Variants in PDGFC observed in about 807,000 individuals in gnomAD.
PDGFC encodes platelet-derived growth factor C.
A neutral mutation model predicts 35.5 loss-of-function variants in PDGFC; 12 were observed. The ratio of observed to expected loss-of-function variants is 0.34; its 90% CI spans 0.22 to 0.55. The LOEUF (loss-of-function observed/expected upper bound fraction) is 0.55. PDGFC is among the 20% of genes least tolerant of loss of function. PDGFC has a pLI of 0.91. For synonymous variants in PDGFC, 159 were observed against 148.8 expected (o/e 1.07, Z -0.50); for missense variants, 322 against 412.4 (o/e 0.78, Z 1.90).
chr4:156,845,612 T>G (rs1729307907), intron 2 of PDGFC, among the ~76,000 whole-genome samples: 1 of 151,850 alleles, frequency 6.6e-6, no homozygotes, highest in Non-Finnish European at 1.5e-5. Context: ...AAATAAACTA[T>G]GTCCAGTGGA....
chr4:156,856,575 C>G lies in PDGFC; in HGVS notation c.119-6159G>C, dbSNP rs575396221. Among the ~76,000 whole-genome samples the G allele has an allele frequency of 5.9e-5, 9 of 152,214 alleles. No individual in the cohort carries two copies. The East Asian group carries it at 1.7e-3, about 29-fold the overall frequency. On this transcript the variant is annotated intron_variant, in intron 1 of 5. Coordinates refer to ENST00000502773, the MANE Select transcript of PDGFC (RefSeq NM_016205.3). ...TAATCATAATTATGGATTCACTTTT[C>G]TACCACACTACAATTCCTAGAAGGT...
At chr4:156,838,188 T>C (rs1729109886) in intron 2 of PDGFC, among the ~76,000 whole-genome samples, 1 of 152,212 alleles carries the variant, frequency 6.6e-6, no homozygotes, top group Non-Finnish European at 1.5e-5. Context: ...TTATCTGTCC[T>C]AAGCACCAAT....
intron 1 of PDGFC, among the ~76,000 whole-genome samples, chr4:156,921,661 T>C (rs569797007): frequency 6.6e-6 from 1 of 152,246 alleles, no homozygotes; most frequent in Non-Finnish European, 1.5e-5. Flanking sequence ...AGCTGAGTAA[T>C]ATTATCACTC....
chr4:156,932,172 G>A (rs1221429039), intron 1 of PDGFC, among the ~76,000 whole-genome samples: 1 of 152,012 alleles, frequency 6.6e-6, no homozygotes, highest in Non-Finnish European at 1.5e-5. Flanking sequence ...ACTTTTAAGG[G>A]ATTTTTTTTT....
intron 3 of PDGFC, among the ~76,000 whole-genome samples, chr4:156,806,389 ACAT>A (rs1475901212): frequency 2.0e-5 from 3 of 152,102 alleles, no homozygotes; most frequent in African/African-American, 7.2e-5. Context: ...ATTATTGTAA[ACAT>A]TATCATTACT....
chr4:156,825,593 T>TAATAATAATAAGAAGAAG (rs1267062505), intron 2 of PDGFC, among the ~76,000 whole-genome samples: 8 of 62,190 alleles, frequency 1.3e-4, no homozygotes, highest in East Asian at 9.4e-4. Context: ...ATAATAATAA[T>TAATAATAATAAGAAGAAG]AAGAAGAAGA....
rs184577611 is a variant in PDGFC at position 156,892,121 on chromosome 4, C to T, written c.119-41705G>A. 7.9e-5 allele frequency among the ~76,000 whole-genome samples: 12 copies of T among 152,120 alleles called. No individual in the cohort carries two copies. The East Asian group carries it at 2.1e-3, about 27-fold the overall frequency. ...TGCTAGCTCTACCAGCTATATAATC[C>T]GAATCAATTAAAATACCTAATTTTT... On this transcript the variant is annotated intron_variant, in intron 1 of 5. Coordinates refer to ENST00000502773, the MANE Select transcript of PDGFC (RefSeq NM_016205.3).
chr4:156,777,444 G>A (rs1730859191), intron 3 of PDGFC, among the ~76,000 whole-genome samples: 1 of 152,026 alleles, frequency 6.6e-6, no homozygotes, highest in African/African-American at 2.4e-5. Context: ...AGGTAACTAG[G>A]GTGGACCCTA....
At chr4:156,868,659 A>G (rs1729904538) in intron 1 of PDGFC, among the ~76,000 whole-genome samples, 1 of 152,216 alleles carries the variant, frequency 6.6e-6, no homozygotes. Flanking sequence ...TAAAACTGTT[A>G]TAACAGTTTT....
intron 2 of PDGFC, among the ~76,000 whole-genome samples, chr4:156,833,715 G>A (rs1728998419): frequency 6.6e-6 from 1 of 152,154 alleles, no homozygotes; most frequent in African/African-American, 2.4e-5. Context: ...ATATCTTAGA[G>A]CAAAGGTGTG....
intron 5 of PDGFC, among the ~76,000 whole-genome samples, chr4:156,765,191 T>C (rs1295985384): frequency 1.3e-5 from 2 of 152,176 alleles, no homozygotes; most frequent in Non-Finnish European, 2.9e-5. Flanking sequence ...GTTCTTGTTT[T>C]TAATTCATTT....
chr4:156,852,099 T>G (rs1211368269), intron 1 of PDGFC, among the ~76,000 whole-genome samples: 1 of 152,082 alleles, frequency 6.6e-6, no homozygotes, highest in African/African-American at 2.4e-5. Flanking sequence ...ATTGAACACA[T>G]GAAGTGATAT....
intron 2 of PDGFC, among the ~76,000 whole-genome samples, chr4:156,835,535 C>G (rs1729042786): frequency 6.6e-6 from 1 of 152,158 alleles, no homozygotes; most frequent in South Asian, 2.1e-4. Flanking sequence ...ACCAGATCTT[C>G]TAGTGCTAGA....
chr4:156,958,514 T>C (rs924061943), intron 1 of PDGFC, among the ~76,000 whole-genome samples: 1 of 152,088 alleles, frequency 6.6e-6, no homozygotes, highest in African/African-American at 2.4e-5. Flanking sequence ...TCATTGATTT[T>C]TACTAAGGAT....
chr4:156,971,224 C>A lies in PDGFC; in HGVS notation c.-321G>T, dbSNP rs146564853. On this transcript the variant is annotated 5_prime_UTR_variant, in exon 1 of 6. Coordinates refer to ENST00000502773, the MANE Select transcript of PDGFC (RefSeq NM_016205.3). ...CGAGGGAGGAATGAGGGGGTGGGGA[C>A]GCGGGGGAGCGGCGAGAAGTCCCCA... 2,237 of 372,890 alleles carry A rather than the reference C, an allele frequency of 6.0e-3. 59 individuals carry two copies. Among genetic ancestry groups the A allele is most frequent in the African/African-American group, 0.046 (1,973 of 43,234 alleles). The allele number at this position is 372,890 out of a possible 1,614,324, so 23.1% of individuals were successfully genotyped here. A position where few individuals can be genotyped will look rare whatever the true frequency, so the allele number is the denominator to read the frequency against.
intron 2 of PDGFC, among the ~76,000 whole-genome samples, chr4:156,825,606 A>T (rs1195900743): frequency 8.7e-6 from 1 of 115,158 alleles, no homozygotes; most frequent in Non-Finnish European, 1.8e-5. Context: ...GAAGAAGAAG[A>T]AGAAGAAGAA....
At chr4:156,799,881 T>C (rs1462854338) in intron 3 of PDGFC, among the ~76,000 whole-genome samples, 1 of 152,210 alleles carries the variant, frequency 6.6e-6, no homozygotes. Context: ...TTTATCACCA[T>C]TGTCACTACT....
At chr4:156,942,271 A>T (rs1490700013) in intron 1 of PDGFC, among the ~76,000 whole-genome samples, 1 of 152,122 alleles carries the variant, frequency 6.6e-6, no homozygotes, top group Non-Finnish European at 1.5e-5. Flanking sequence ...CTCAACGCAA[A>T]CAGGATTCAA....
At chr4:156,768,268 A>T (rs1288491560) in intron 4 of PDGFC, among the ~76,000 whole-genome samples, 1 of 151,816 alleles carries the variant, frequency 6.6e-6, no homozygotes, top group Non-Finnish European at 1.5e-5. Flanking sequence ...GAAAGCTATA[A>T]ATAGGAAACT....
Sources: gnomAD v4.1 joint callset for allele counts (sites outside exome capture counted in the v4.1 genomes callset) on GRCh38, gnomAD v4.1.1 for gene constraint, MANE v1.5 for transcripts, NCBI Gene and HGNC (gene_info 2026-07-23, HGNC 2026-07-21) for gene names.